The following RBFOX1 variants were observed in gnomAD, a reference collection of about 807,000 sequenced individuals.
RBFOX1 encodes the protein RNA binding fox-1 homolog 1.
RBFOX1 carries 8 observed loss-of-function variants against 57.7 expected under a neutral mutation model. The ratio of observed to expected loss-of-function variants is 0.14; its 90% CI spans 0.08 to 0.25. RBFOX1 has a LOEUF of 0.25. Ranked by LOEUF, RBFOX1 falls within the 10% of genes least tolerant of loss-of-function variation. The probability of loss-of-function intolerance (pLI) is 1.00; values close to 1 mark genes in which losing one functional copy is unlikely to be tolerated. For synonymous variants in RBFOX1, 326 were observed against 222.4 expected (o/e 1.47, Z -4.15); for missense variants, 611 against 548.5 (o/e 1.11, Z -1.14).
intron 3 of RBFOX1, among the ~76,000 whole-genome samples, chr16:5,726,430 A>G (rs1345013158): frequency 2.6e-5 from 4 of 152,064 alleles, no homozygotes; most frequent in African/African-American, 9.7e-5. Context: ...CAACCCCTCC[A>G]TTGCCAAGGT....
chr16:6,937,936 A>C lies in RBFOX1; in HGVS notation c.-15-114121A>C, dbSNP rs1183257869. Among the ~76,000 whole-genome samples the C allele has an allele frequency of 3.3e-5, 4 of 121,292 alleles. 1 individual carries two copies. The highest frequency in any genetic ancestry group is 4.7e-5 in the Non-Finnish European group (3 of 63,394). 79.6% of individuals were successfully genotyped at this position (121,292 alleles called of 152,430 possible). A position where few individuals can be genotyped will look rare whatever the true frequency, so the allele number is the denominator to read the frequency against. On this transcript the variant is annotated intron_variant, in intron 3 of 15. Transcript: ENST00000550418. ...TGGTCTGAATCAGTTTTTCAGCTCAACTTTGGAATGCCCTGGCTGAGAGGA... is the reference window on the plus strand; with the variant it reads ...TGGTCTGAATCAGTTTTTCAGCTCACCTTTGGAATGCCCTGGCTGAGAGGA...
At chr16:5,347,324 G>A (rs1018540309) in intron 1 of RBFOX1, among the ~76,000 whole-genome samples, 1 of 152,110 alleles carries the variant, frequency 6.6e-6, no homozygotes, top group Non-Finnish European at 1.5e-5. Flanking sequence ...TACAGTCGTT[G>A]CTCAACAAAT....
intron 3 of RBFOX1, among the ~76,000 whole-genome samples, chr16:6,799,087 A>G (rs1024700426): frequency 2.6e-5 from 4 of 152,050 alleles, no homozygotes; most frequent in African/African-American, 9.7e-5. Context: ...ATGTGTGAAG[A>G]TGGGGTACGG....
At chr16:6,545,670 G>T (rs1283674040) in intron 2 of RBFOX1, among the ~76,000 whole-genome samples, 2 of 152,160 alleles carry the variant, frequency 1.3e-5, no homozygotes, top group African/African-American at 4.8e-5. Context: ...ACTCACCATG[G>T]TGTCCCCAGA....
At chr16:5,696,527 A>G (rs1253382439) in intron 3 of RBFOX1, among the ~76,000 whole-genome samples, 1 of 152,242 alleles carries the variant, frequency 6.6e-6, no homozygotes, top group Non-Finnish European at 1.5e-5. Flanking sequence ...TATGTGATCC[A>G]AGGCTATGTG....
intron 3 of RBFOX1, among the ~76,000 whole-genome samples, chr16:6,974,236 C>G (rs2086250925): frequency 6.6e-6 from 1 of 151,708 alleles, no homozygotes; most frequent in Non-Finnish European, 1.5e-5. Context: ...AGTTGTAACC[C>G]CTATGAATGC....
intron 3 of RBFOX1, among the ~76,000 whole-genome samples, chr16:5,636,951 C>A (rs1266517531): frequency 6.6e-6 from 1 of 152,170 alleles, no homozygotes; most frequent in Non-Finnish European, 1.5e-5. Context: ...CCAGGATTTG[C>A]CAGCGTGCGC....
At chr16:7,000,586 C>CTTTCTTTTT (rs2092691534) in intron 3 of RBFOX1, among the ~76,000 whole-genome samples, 1 of 95,846 alleles carries the variant, frequency 1.0e-5, no homozygotes, top group African/African-American at 3.4e-5. Context: ...TTTTTTCTTT[C>CTTTCTTTTT]TTTTTCTTTC....
In RBFOX1 at chr16:6,773,690, T is replaced by C. The variant is rs954709771; in HGVS notation, c.-16+119040T>C. The C allele has an allele frequency of 8.3e-5, 12 of 144,146 alleles. 1 individual carries two copies. The highest frequency in any genetic ancestry group is 3.2e-4 in the African/African-American group (12 of 38,046). The allele number at this position is 144,146 out of a possible 1,614,324, so 8.9% of individuals were successfully genotyped here. On this transcript the variant is annotated intron_variant, in intron 3 of 15. Transcript: ENST00000550418. ...GTGTGTGTGTATGTGTATGTGTATG[T>C]GTGGGCATGGGGTGCATTTGTGTGT...
intron 2 of RBFOX1, chr16:6,483,645 C>T (rs2095411714): frequency 6.5e-6 from 9 of 1,387,286 alleles, no homozygotes; most frequent in African/African-American, 1.5e-5. Flanking sequence ...TCTGCAGAGG[C>T]TTCCTGAAGC....
intron 1 of RBFOX1, among the ~76,000 whole-genome samples, chr16:5,257,006 T>C (rs935758119): frequency 1.3e-4 from 20 of 151,616 alleles, no homozygotes; most frequent in African/African-American, 4.8e-4. Flanking sequence ...TTGTCAAAGA[T>C]TGTTGTTGGA....
chr16:6,508,041 G>C (rs1303514396), intron 2 of RBFOX1, among the ~76,000 whole-genome samples: 1 of 152,148 alleles, frequency 6.6e-6, no homozygotes, highest in East Asian at 1.9e-4. Context: ...CCATAAAAAA[G>C]AAAAAGATCA....
At chr16:6,246,262 C>A (rs544436253) in intron 1 of RBFOX1, among the ~76,000 whole-genome samples, 1 of 152,280 alleles carries the variant, frequency 6.6e-6, no homozygotes, top group South Asian at 2.1e-4. Flanking sequence ...CTGGGACATT[C>A]TCTCTTGCCA....
chr16:6,823,262 T>TC (rs1462554356), intron 3 of RBFOX1, among the ~76,000 whole-genome samples: 1 of 151,728 alleles, frequency 6.6e-6, no homozygotes, highest in Admixed American at 6.6e-5. Flanking sequence ...TTTTTTTTTT[T>TC]CTTTTTTTTC....
At chr16:7,676,378 A>AT (rs1555759681) in intron 13 of RBFOX1, among the ~76,000 whole-genome samples, 1 of 152,248 alleles carries the variant, frequency 6.6e-6, no homozygotes, top group Non-Finnish European at 1.5e-5. Flanking sequence ...TTTGAATAAA[A>AT]TTTAAGTTAA....
At chr16:7,434,277 C>G (rs2098704983) in intron 4 of RBFOX1, among the ~76,000 whole-genome samples, 6 of 151,996 alleles carry the variant, frequency 3.9e-5, no homozygotes, top group Admixed American at 3.9e-4. Context: ...CGAGACCATC[C>G]TGGCTAACAC....
chr16:6,310,060 G>A (rs1402596564), intron 1 of RBFOX1, among the ~76,000 whole-genome samples: 1 of 152,096 alleles, frequency 6.6e-6, no homozygotes, highest in East Asian at 1.9e-4. Flanking sequence ...GCTAATTTTT[G>A]TATTTTTAGT....
intron 2 of RBFOX1, among the ~76,000 whole-genome samples, chr16:6,639,095 C>G (rs947528681): frequency 2.6e-4 from 39 of 152,314 alleles, no homozygotes; most frequent in African/African-American, 9.1e-4. Context: ...GCAGCCATTT[C>G]TTGCAAACTG....
chr16:5,556,006 G>C (rs895272283), intron 2 of RBFOX1, among the ~76,000 whole-genome samples: 1 of 151,602 alleles, frequency 6.6e-6, no homozygotes, highest in African/African-American at 2.4e-5. Flanking sequence ...GGGCAAGAGA[G>C]TGAGACTCTG....
Sources: allele counts gnomAD v4.1 joint callset (sites outside exome capture counted in the v4.1 genomes callset), GRCh38; gene constraint gnomAD v4.1.1; transcripts MANE v1.5; gene names NCBI Gene and HGNC (gene_info 2026-07-23, HGNC 2026-07-21).